The following FGF12 variants were observed in gnomAD, a reference collection of about 807,000 sequenced individuals.
FGF12 encodes the protein fibroblast growth factor 12B.
FGF12 carries 14 observed loss-of-function variants against 23.6 expected under a neutral mutation model. The ratio of observed to expected loss-of-function variants is 0.59; its 90% confidence interval spans 0.39 to 0.93. The LOEUF is 0.93. Among genes scored for constraint, FGF12 ranks in the 40% least tolerant of loss-of-function variants. The pLI is 0.00. For missense variants in FGF12, 175 were observed against 217.8 expected, an observed-to-expected ratio of 0.80 and a Z score of 1.24; for synonymous variants, 62 against 77.3, an observed-to-expected ratio of 0.80 and a Z score of 1.04.
intron 2 of FGF12, among the ~76,000 whole-genome samples, chr3:192,670,768 A>G (rs1717082010): frequency 6.6e-6 from 1 of 152,232 alleles, no homozygotes; most frequent in South Asian, 2.1e-4. Context: ...GAATGGTTAA[A>G]GCATTATTTT....
chr3:192,244,135 A>G (rs1014247518), intron 4 of FGF12, among the ~76,000 whole-genome samples: 1 of 152,280 alleles, frequency 6.6e-6, no homozygotes. Flanking sequence ...TGTAAATACT[A>G]TATCTAGGGA....
At chr3:192,186,773 A>C (rs1471073310) in intron 4 of FGF12, among the ~76,000 whole-genome samples, 1 of 152,176 alleles carries the variant, frequency 6.6e-6, no homozygotes, top group Non-Finnish European at 1.5e-5. Context: ...TCTCCTCTTG[A>C]CCTTAAATTC....
chr3:192,262,239 C>T (rs900339190), intron 4 of FGF12, among the ~76,000 whole-genome samples: 27 of 152,058 alleles, frequency 1.8e-4, no homozygotes, highest in African/African-American at 2.9e-4. Flanking sequence ...GTATGCTGGC[C>T]GTGGGGAGGC....
chr3:192,277,111 G>T (rs1713837492), intron 4 of FGF12, among the ~76,000 whole-genome samples: 1 of 152,104 alleles, frequency 6.6e-6, no homozygotes, highest in Non-Finnish European at 1.5e-5. Flanking sequence ...CTCTCAATCT[G>T]CCTCTTGTCA....
intron 2 of FGF12, among the ~76,000 whole-genome samples, chr3:192,544,754 GA>G (rs1466624634): frequency 3.9e-5 from 6 of 152,134 alleles, no homozygotes; most frequent in Non-Finnish European, 5.9e-5. Context: ...TAAGAGAGCT[GA>G]TTCTAGAGCT....
At chr3:192,370,928 T>C (rs951715723) in intron 2 of FGF12, among the ~76,000 whole-genome samples, 4 of 152,212 alleles carry the variant, frequency 2.6e-5, no homozygotes, top group Non-Finnish European at 4.4e-5. Flanking sequence ...TGTAGAATAT[T>C]AATGAAAGTG....
At chr3:192,341,854 G>A (rs569583836) in intron 3 of FGF12, among the ~76,000 whole-genome samples, 108 of 152,230 alleles carry the variant, frequency 7.1e-4, no homozygotes, top group African/African-American at 2.6e-3. Flanking sequence ...TAACTTCTTT[G>A]AGGGGTACAA....
chr3:192,701,849 C>T (rs1459382179), intron 2 of FGF12, among the ~76,000 whole-genome samples: 2 of 152,132 alleles, frequency 1.3e-5, no homozygotes, highest in African/African-American at 4.8e-5. Context: ...CCATTTCCAT[C>T]ATCTCAGATA....
At chr3:192,310,142 A>G (rs1715858895) in intron 4 of FGF12, among the ~76,000 whole-genome samples, 1 of 152,196 alleles carries the variant, frequency 6.6e-6, no homozygotes, top group Non-Finnish European at 1.5e-5. Context: ...TATTTGTCGC[A>G]ATGCCAAGAG....
intron 4 of FGF12, among the ~76,000 whole-genome samples, chr3:192,298,271 C>T (rs1439713451): frequency 2.0e-5 from 3 of 152,094 alleles, no homozygotes; most frequent in Non-Finnish European, 4.4e-5. Flanking sequence ...CCCTTGATCT[C>T]ATAGAGTTTA....
At chr3:192,330,945 C>T (rs1480702022) in intron 4 of FGF12, among the ~76,000 whole-genome samples, 3 of 151,892 alleles carry the variant, frequency 2.0e-5, no homozygotes, top group Admixed American at 1.3e-4. Flanking sequence ...AAAATATTTG[C>T]AAATCATATA....
At chr3:192,147,620 A>C (rs530324159) in intron 5 of FGF12, among the ~76,000 whole-genome samples, 1 of 152,304 alleles carries the variant, frequency 6.6e-6, no homozygotes, top group African/African-American at 2.4e-5. Context: ...TACAATTATA[A>C]CCCAGTGAAT....
chr3:192,635,590 T>C (rs922231849), intron 2 of FGF12, among the ~76,000 whole-genome samples: 1 of 152,344 alleles, frequency 6.6e-6, no homozygotes, highest in East Asian at 1.9e-4. Flanking sequence ...ATAATGCTTA[T>C]GACTTGGCCT....
At chr3:192,565,778 T>A (rs1443364390) in intron 2 of FGF12, among the ~76,000 whole-genome samples, 2 of 152,044 alleles carry the variant, frequency 1.3e-5, no homozygotes, top group Non-Finnish European at 2.9e-5. Flanking sequence ...TCAGAACATA[T>A]CCCTGTCATT....
At chr3:192,444,601 T>C (rs945600584) in intron 2 of FGF12, among the ~76,000 whole-genome samples, 3 of 152,168 alleles carry the variant, frequency 2.0e-5, no homozygotes, top group African/African-American at 7.2e-5. Context: ...GCCTATGCCA[T>C]AATGCTGACA....
chr3:192,285,347 C>A lies in FGF12; in HGVS notation c.228+50014G>T, dbSNP rs139492945. ...AAAATTCAAGCCTCCTGAGTCTAAA[C>A]CTTATGCTCTTTTCACTACAATCTC... is the stretch of plus-strand genomic sequence containing the variant. On this transcript the variant is annotated intron_variant, in intron 4 of 5. Transcript: ENST00000445105. 3.9e-5 allele frequency among the ~76,000 whole-genome samples: 6 copies of A among 152,168 alleles called. No homozygotes were observed. In the East Asian group the frequency reaches 1.2e-3, roughly 29 times the overall value.
intron 5 of FGF12, among the ~76,000 whole-genome samples, chr3:192,168,267 A>G (rs1715340625): frequency 6.6e-6 from 1 of 152,250 alleles, no homozygotes; most frequent in Non-Finnish European, 1.5e-5. Flanking sequence ...AATTAAGAGC[A>G]TAATTCATCA....
intron 2 of FGF12, among the ~76,000 whole-genome samples, chr3:192,504,169 C>T (rs1724221381): frequency 2.0e-5 from 3 of 151,994 alleles, no homozygotes; most frequent in Non-Finnish European, 2.9e-5. Flanking sequence ...AGAGGAACCA[C>T]GGACGCCAGG....
At chr3:192,484,495 CT>C (rs1723574021) in intron 2 of FGF12, among the ~76,000 whole-genome samples, 1 of 152,082 alleles carries the variant, frequency 6.6e-6, no homozygotes, top group Non-Finnish European at 1.5e-5. Flanking sequence ...GTTGTTCTAC[CT>C]TATTATTCTA....
Sources: gnomAD v4.1 joint callset for allele counts (sites outside exome capture counted in the v4.1 genomes callset) on GRCh38, gnomAD v4.1.1 for gene constraint, MANE v1.5 for transcripts, NCBI Gene and HGNC (gene_info 2026-07-23, HGNC 2026-07-21) for gene names.